Variants in TSHZ3 observed in about 807,000 individuals in gnomAD.
TSHZ3 encodes teashirt zinc finger homeobox 3.
In TSHZ3, 10 loss-of-function variants were observed where a neutral mutation model predicts 64.5. The observed-to-expected ratio is 0.16, with a 90% CI of 0.10 to 0.26. The LOEUF is 0.26. TSHZ3 is among the 10% of genes least tolerant of loss of function. TSHZ3 has a pLI of 1.00. For synonymous variants in TSHZ3, 608 were observed against 593.1 expected (o/e 1.03, Z -0.36); for missense variants, 1,242 against 1,421.7 (o/e 0.87, Z 2.03).
chr19:31,250,293 C>G (rs1975820088), intron 1 of TSHZ3, among the ~76,000 whole-genome samples: 1 of 152,252 alleles, frequency 6.6e-6, no homozygotes, highest in Non-Finnish European at 1.5e-5. Context: ...TGACAGCCAA[C>G]AGAACATATT....
exon 7 of TSHZ3, among the ~76,000 whole-genome samples, chr19:31,150,005 A>T (rs1335290538): frequency 6.6e-6 from 1 of 152,214 alleles, no homozygotes; most frequent in East Asian, 1.9e-4. Context: ...TATGTATTTC[A>T]TTAAGTAAGT....
chr19:31,304,474 C>T (rs534781495), intron 1 of TSHZ3, among the ~76,000 whole-genome samples: 11 of 151,812 alleles, frequency 7.2e-5, no homozygotes, highest in East Asian at 1.9e-4. Context: ...ATCTCCCTTC[C>T]CCAAACTGTC....
At chr19:31,298,698 T>C (rs1170026264) in intron 1 of TSHZ3, among the ~76,000 whole-genome samples, 4 of 151,934 alleles carry the variant, frequency 2.6e-5, no homozygotes, top group African/African-American at 9.7e-5. Flanking sequence ...GAGCCGTCCA[T>C]GGGCTCCATG....
rs3030263 is a variant in TSHZ3, at chr19:31,285,781, CAAAAAAAAAAAAAA to C, written c.41-6043_41-6030del. ...TGGGCAGCAGAGCAAGCCACTGTCT[CAAAAAAAAAAAAAA>C]AAAAAAAAAAAAAGGAAAAGTGAAA... On this transcript the variant is annotated intron_variant, in intron 1 of 1. Transcript: ENST00000240587. Among the ~76,000 whole-genome samples, 18 of 44,988 alleles carry C rather than the reference CAAAAAAAAAAAAAA, an allele frequency of 4.0e-4. 1 individual carries two copies. Among genetic ancestry groups the C allele is most frequent in the Admixed American group, 3.9e-3 (12 of 3,116 alleles). 29.5% of individuals were successfully genotyped at this position (44,988 alleles called of 152,430 possible).
intron 1 of TSHZ3, among the ~76,000 whole-genome samples, chr19:31,343,990 T>G (rs1222548645): frequency 6.6e-6 from 1 of 152,226 alleles, no homozygotes; most frequent in African/African-American, 2.4e-5. Context: ...TATCTTATTA[T>G]ATGACTATTT....
At chr19:31,265,089 C>T (rs1275554581) in intron 1 of TSHZ3, among the ~76,000 whole-genome samples, 1 of 152,058 alleles carries the variant, frequency 6.6e-6, no homozygotes, top group African/African-American at 2.4e-5. Context: ...AACCTGCTCC[C>T]AGTGGGTCAC....
chr19:31,277,147 AGCC>A lies in TSHZ3; in HGVS notation c.2643_2645del (p.Glu881_Ala882delinsAsp). The A allele has an allele frequency of 6.2e-7, 1 of 1,611,718 alleles. No homozygotes were observed. The highest frequency in any genetic ancestry group is 8.5e-7 in the Non-Finnish European group (1 of 1,178,490). On this transcript the variant is annotated inframe_deletion, in exon 2 of 2. Coordinates refer to ENST00000240587, the MANE Select transcript of TSHZ3 (RefSeq NM_020856.4). The surrounding 1 kb of genome is among the most constrained non-coding windows in gnomAD (Gnocchi z 4.5). Reference sequence around the variant, plus strand: ...TCTTCTGGGCGGGCGTCGACTCCTCAGCCTCCTCCAGAGTGGCCCCGTCAATGT... The same window carrying A: ...TCTTCTGGGCGGGCGTCGACTCCTCATCCTCCAGAGTGGCCCCGTCAATGT...
intron 4 of TSHZ3, among the ~76,000 whole-genome samples, chr19:31,211,491 C>T (rs1451260484): frequency 1.3e-5 from 2 of 152,080 alleles, no homozygotes; most frequent in Admixed American, 1.3e-4. Context: ...GGCTCCTGGA[C>T]CCGGGGAAGA....
At chr19:31,224,854 G>T (rs1428210026) in intron 4 of TSHZ3, among the ~76,000 whole-genome samples, 1 of 152,188 alleles carries the variant, frequency 6.6e-6, no homozygotes, top group African/African-American at 2.4e-5. Flanking sequence ...AAGACATTGT[G>T]CTCAAGAGCT....
chr19:31,246,046 T>C (rs1975753990), intron 1 of TSHZ3, among the ~76,000 whole-genome samples: 1 of 152,226 alleles, frequency 6.6e-6, no homozygotes, highest in African/African-American at 2.4e-5. Context: ...CAGAGACTTC[T>C]CTTATTGTTC....
intron 3 of TSHZ3, among the ~76,000 whole-genome samples, chr19:31,235,179 A>G (rs1036575716): frequency 1.3e-5 from 2 of 152,220 alleles, no homozygotes; most frequent in Non-Finnish European, 2.9e-5. Flanking sequence ...TCGCACAATA[A>G]AATATTTTTC....
At chr19:31,316,026 A>G (rs1916592264) in intron 1 of TSHZ3, among the ~76,000 whole-genome samples, 1 of 152,166 alleles carries the variant, frequency 6.6e-6, no homozygotes, top group African/African-American at 2.4e-5. Flanking sequence ...GCAAGGTGTA[A>G]TAATTACTGC....
chr19:31,265,469 T>C (rs975336327), intron 1 of TSHZ3, among the ~76,000 whole-genome samples: 1 of 142,712 alleles, frequency 7.0e-6, no homozygotes, highest in African/African-American at 2.6e-5. Context: ...GAAAATCCCA[T>C]ACCTTGGTTT....
chr19:31,347,784 A>G (rs746443735), intron 1 of TSHZ3, among the ~76,000 whole-genome samples: 3 of 152,148 alleles, frequency 2.0e-5, no homozygotes, highest in Non-Finnish European at 2.9e-5. Context: ...AGGCAAGTAC[A>G]TTTCTGGGAG....
intron 5 of TSHZ3, among the ~76,000 whole-genome samples, chr19:31,198,238 A>G (rs1233973081): frequency 6.6e-6 from 1 of 152,170 alleles, no homozygotes; most frequent in Non-Finnish European, 1.5e-5. Context: ...GCATTTGATC[A>G]AATCTAACAT....
In TSHZ3 at chr19:31,290,455, C is replaced by T. The variant is rs896693902; in HGVS notation, c.41-10703G>A. ...TTAGCTAAACACACACTGGGGGGTA[C>T]CAATATGCTTGGATTGCATGTTGGG... On this transcript the variant is annotated intron_variant, in intron 1 of 1. Transcript: ENST00000240587. 5.9e-5 allele frequency among the ~76,000 whole-genome samples: 9 copies of T among 151,880 alleles called. No homozygotes were observed. The South Asian group carries it at 6.2e-4, about 11-fold the overall frequency.
chr19:31,150,272 C>T (rs1235351718), exon 7 of TSHZ3, among the ~76,000 whole-genome samples: 1 of 152,214 alleles, frequency 6.6e-6, no homozygotes. Flanking sequence ...GGGAGCCAGT[C>T]CCGGGCTCTT....
chr19:31,226,260 A>G (rs905208448), intron 4 of TSHZ3, among the ~76,000 whole-genome samples: 1 of 151,858 alleles, frequency 6.6e-6, no homozygotes, highest in Non-Finnish European at 1.5e-5. Context: ...CTGTGTCCCC[A>G]CCCAAATCTC....
At chr19:31,346,443 C>G (rs1303161056) in intron 1 of TSHZ3, among the ~76,000 whole-genome samples, 2 of 152,078 alleles carry the variant, frequency 1.3e-5, no homozygotes, top group African/African-American at 2.4e-5. Flanking sequence ...CTTGTCATCT[C>G]CAATCATTAA....
Sources: gnomAD v4.1 joint callset for allele counts (sites outside exome capture counted in the v4.1 genomes callset) on GRCh38, gnomAD v4.1.1 for gene constraint, Gnocchi (gnomAD v3.1) non-coding constraint, MANE v1.5 for transcripts, NCBI Gene and HGNC (gene_info 2026-07-23, HGNC 2026-07-21) for gene names.